C13orf42: variants seen among roughly 807,000 people sequenced by gnomAD.
C13orf42 encodes chromosome 13 open reading frame 42, also known as uncharacterized protein C13orf42.
At chr13:51,158,721 A>C (rs1190577142) in intron 1 of C13orf42, among the ~76,000 whole-genome samples, 2 of 152,232 alleles carry the variant, frequency 1.3e-5, no homozygotes, top group Non-Finnish European at 2.9e-5. Context: ...GCAGTAACCC[A>C]TCAATTCAGT....
At chr13:51,108,261 G>A (rs997445497) in intron 1 of C13orf42, among the ~76,000 whole-genome samples, 1 of 152,214 alleles carries the variant, frequency 6.6e-6, no homozygotes, top group African/African-American at 2.4e-5. Context: ...CTGTGGTACT[G>A]GGGGTTAGGA....
upstream of C13orf42, among the ~76,000 whole-genome samples, chr13:51,112,582 T>G (rs775727850): frequency 6.6e-6 from 1 of 152,248 alleles, no homozygotes; most frequent in Admixed American, 6.5e-5. Context: ...GCCCCTCACA[T>G]GTGGAGCATT....
At chr13:51,116,627 A>G (rs189586642) in intron 1 of C13orf42, among the ~76,000 whole-genome samples, 1 of 152,394 alleles carries the variant, frequency 6.6e-6, no homozygotes. Flanking sequence ...AGAAAATTCC[A>G]TTTAGGAAAC....
At chr13:51,142,845 T>G (rs1313293829) in intron 1 of C13orf42, among the ~76,000 whole-genome samples, 1 of 152,052 alleles carries the variant, frequency 6.6e-6, no homozygotes, top group African/African-American at 2.4e-5. Context: ...TAAAATAAAG[T>G]AACTGGTTGT....
intron 1 of C13orf42, among the ~76,000 whole-genome samples, chr13:51,094,751 G>C (rs76657781): frequency 2.0e-5 from 3 of 152,244 alleles, no homozygotes; most frequent in Non-Finnish European, 4.4e-5. Context: ...ACTGAGTATA[G>C]AACTCTGTTG....
chr13:51,088,262 A>G (rs1953150756), intron 1 of C13orf42, among the ~76,000 whole-genome samples, 187 bp from the exon 2 acceptor site: 1 of 152,210 alleles, frequency 6.6e-6, no homozygotes, highest in African/African-American at 2.4e-5. Flanking sequence ...GCTGTAGGTC[A>G]ATGGATTTCT....
chr13:51,117,971 A>C (rs1953505290), intron 1 of C13orf42, among the ~76,000 whole-genome samples: 1 of 152,212 alleles, frequency 6.6e-6, no homozygotes, highest in Non-Finnish European at 1.5e-5. Context: ...AGCCAATAGA[A>C]AAATGGGAAG....
At chr13:51,135,836 T>C (rs1953653856) in intron 1 of C13orf42, among the ~76,000 whole-genome samples, 1 of 152,174 alleles carries the variant, frequency 6.6e-6, no homozygotes, top group African/African-American at 2.4e-5. Flanking sequence ...TCTCACTTCT[T>C]TCATTCTGTG....
intron 1 of C13orf42, among the ~76,000 whole-genome samples, chr13:51,117,834 G>A (rs186593423): frequency 6.6e-6 from 1 of 152,256 alleles, no homozygotes; most frequent in East Asian, 1.9e-4. Context: ...ATCCAGGGGA[G>A]ATGTCTCTGC....
chr13:51,154,310 CTT>C (rs1171670787), intron 1 of C13orf42, among the ~76,000 whole-genome samples: 1 of 152,192 alleles, frequency 6.6e-6, no homozygotes, highest in African/African-American at 2.4e-5. Flanking sequence ...GCAACTATCT[CTT>C]TGAGTCCCTG....
intron 1 of C13orf42, among the ~76,000 whole-genome samples, chr13:51,149,305 T>A (rs1268601784): frequency 3.2e-5 from 4 of 126,910 alleles, no homozygotes; most frequent in Non-Finnish European, 6.6e-5. Flanking sequence ...GGCCAAAGGC[T>A]GAAATTGAAA....
intron 1 of C13orf42, among the ~76,000 whole-genome samples, chr13:51,162,553 G>T (rs1202062730): frequency 6.6e-6 from 1 of 151,928 alleles, no homozygotes; most frequent in Non-Finnish European, 1.5e-5. Flanking sequence ...TTTTTCCCTT[G>T]GTCTTGTTTA....
chr13:51,125,667 C>A (rs1385441939), intron 1 of C13orf42, among the ~76,000 whole-genome samples: 1 of 152,032 alleles, frequency 6.6e-6, no homozygotes, highest in Non-Finnish European at 1.5e-5. Context: ...CTCCACCCCC[C>A]AGTGTCTACG....
intron 1 of C13orf42, among the ~76,000 whole-genome samples, chr13:51,133,904 C>A (rs1052857558): frequency 2.0e-5 from 3 of 152,180 alleles, no homozygotes; most frequent in African/African-American, 7.2e-5. Context: ...CAGAAGCTAT[C>A]TTGAGGACAG....
At chr13:51,120,263 CCA>C (rs1469197818) in intron 1 of C13orf42, among the ~76,000 whole-genome samples, 1 of 152,142 alleles carries the variant, frequency 6.6e-6, no homozygotes, top group Non-Finnish European at 1.5e-5. Flanking sequence ...ATTGTCCCCA[CCA>C]CAGAGATGGG....
At chr13:51,091,063 T>C (rs1020648366) in intron 1 of C13orf42, among the ~76,000 whole-genome samples, 1 of 152,316 alleles carries the variant, frequency 6.6e-6, no homozygotes, top group African/African-American at 2.4e-5. Context: ...TTCCCACACC[T>C]TGCCATTTCT....
chr13:51,095,434 C>G (rs1484623154), intron 1 of C13orf42, among the ~76,000 whole-genome samples: 1 of 152,136 alleles, frequency 6.6e-6, no homozygotes, highest in Non-Finnish European at 1.5e-5. Flanking sequence ...ATACCCCCCT[C>G]TCTATTTCTT....
intron 1 of C13orf42, among the ~76,000 whole-genome samples, chr13:51,135,140 G>T (rs947231652): frequency 1.2e-4 from 19 of 152,246 alleles, no homozygotes; most frequent in African/African-American, 3.1e-4. Flanking sequence ...TGTCAGAGGA[G>T]GGAGGAACCA....
At chr13:51,104,664 T>C (rs1023547806) in intron 1 of C13orf42, among the ~76,000 whole-genome samples, 1 of 152,134 alleles carries the variant, frequency 6.6e-6, no homozygotes, top group African/African-American at 2.4e-5. Flanking sequence ...ATGAAAATGT[T>C]TCCAAATTAG....
Sources: allele counts gnomAD v4.1 joint callset (sites outside exome capture counted in the v4.1 genomes callset), GRCh38; gene constraint gnomAD v4.1.1; transcripts MANE v1.5; gene names NCBI Gene and HGNC (gene_info 2026-07-23, HGNC 2026-07-21).